The following PTPRC variants were observed in gnomAD, a reference collection of about 807,000 sequenced individuals.
PTPRC encodes protein tyrosine phosphatase receptor type C.
Under a neutral mutation model 155.9 loss-of-function variants are expected in PTPRC, and 44 were observed. The ratio of observed to expected loss-of-function variants is 0.28; its 90% confidence interval spans 0.22 to 0.36. The LOEUF is 0.36. Among genes scored for constraint, PTPRC ranks in the 10% least tolerant of loss-of-function variants. The pLI is 1.00. For missense variants in PTPRC, 1,401 were observed against 1,564.6 expected (o/e 0.90, Z 1.76); for synonymous variants, 525 against 533.1 (o/e 0.98, Z 0.21).
At chr1:198,687,606 G>T (rs774720390) in intron 2 of PTPRC, among the ~76,000 whole-genome samples, 37 of 151,954 alleles carry the variant, frequency 2.4e-4, no homozygotes, top group Non-Finnish European at 4.3e-4. Flanking sequence ...TAGATGACTG[G>T]GGGGGCGGGG....
intron 31 of PTPRC, among the ~76,000 whole-genome samples, chr1:198,753,824 G>A (rs919011096): frequency 9.2e-5 from 14 of 152,106 alleles, no homozygotes; most frequent in African/African-American, 3.4e-4. Context: ...TTTGTGAAAC[G>A]TGGTAGAGAG....
chr1:198,654,841 T>G (rs1246690504), intron 2 of PTPRC, among the ~76,000 whole-genome samples: 1 of 151,862 alleles, frequency 6.6e-6, no homozygotes, highest in Non-Finnish European at 1.5e-5. Flanking sequence ...TTTAAACACA[T>G]CAATTTTTCA....
chr1:198,713,902 CA>C (rs1653436139), intron 12 of PTPRC, among the ~76,000 whole-genome samples: 1 of 152,146 alleles, frequency 6.6e-6, no homozygotes, highest in Non-Finnish European at 1.5e-5. Flanking sequence ...TATTTTTCTT[CA>C]TTATGTTATT....
At chr1:198,754,516 T>G (rs1655537379) in intron 32 of PTPRC, 112 bp downstream of exon 32, 1 of 1,267,140 alleles carries the variant, frequency 7.9e-7, no homozygotes, top group African/African-American at 1.5e-5. Context: ...TTTTTTCCCC[T>G]TTCCTTTTCT....
intron 12 of PTPRC, among the ~76,000 whole-genome samples, chr1:198,714,740 C>T (rs1156539346): frequency 6.6e-6 from 1 of 152,130 alleles, no homozygotes; most frequent in Non-Finnish European, 1.5e-5. Context: ...ATTATAGTAT[C>T]GTTAAGGCAA....
intron 31 of PTPRC, among the ~76,000 whole-genome samples, chr1:198,753,837 A>G (rs1355950188): frequency 6.6e-6 from 1 of 152,070 alleles, no homozygotes; most frequent in African/African-American, 2.4e-5. Flanking sequence ...GTAGAGAGGC[A>G]GAAGAGTGAA....
At chr1:198,661,831 TTTTAGGACAAAATAGACTTC>T (rs2102256536) in intron 2 of PTPRC, among the ~76,000 whole-genome samples, 1 of 152,328 alleles carries the variant, frequency 6.6e-6, no homozygotes, top group African/African-American at 2.4e-5. Context: ...TACTATTATT[TTTTAGGACAAAATAGACTTC>T]TTTAAGTTTT....
chr1:198,708,399 T>C, intron 10 of PTPRC, 138 bp downstream of exon 10: 1 of 819,736 alleles, frequency 1.2e-6, no homozygotes, highest in Non-Finnish European at 1.8e-6. Context: ...TTTTCTTTCT[T>C]GTCTTTTTCT....
Position 198,639,296 on chromosome 1 carries a change from T to C in PTPRC, c.28T>C (p.Leu10=), listed in dbSNP as rs61757803. The C allele has an allele frequency of 6.2e-7, 1 of 1,613,354 alleles. No homozygotes were observed. The change falls in exon 2 of 33, where the codon TTG becomes CTG. Residue 10 remains leucine (L), a synonymous_variant. Transcript: ENST00000442510. ...GACCATGTATTTGTGGCTTAAACTC[T>C]TGGCATTTGGCTTTGCCTTTCTGGA... MTMYLWLKL[L]AFGFAFLDTE... is the part of the protein sequence containing the mutation.
chr1:198,686,265 C>T (rs1394588852), intron 2 of PTPRC, among the ~76,000 whole-genome samples: 1 of 151,940 alleles, frequency 6.6e-6, no homozygotes, highest in Non-Finnish European at 1.5e-5. Flanking sequence ...TGATTCACAA[C>T]AGGATTATAA....
intron 2 of PTPRC, chr1:198,680,002 A>G (rs987886055): frequency 3.0e-5 from 18 of 610,028 alleles, no homozygotes; most frequent in African/African-American, 1.9e-4. Context: ...CACTTCCTGC[A>G]GGCTCAAGGG....
intron 2 of PTPRC, among the ~76,000 whole-genome samples, chr1:198,651,260 A>T (rs1318952034): frequency 6.7e-6 from 1 of 150,370 alleles, no homozygotes; most frequent in Non-Finnish European, 1.5e-5. Flanking sequence ...ATTTTAAAAT[A>T]TTGTTTAAGA....
intron 2 of PTPRC, among the ~76,000 whole-genome samples, chr1:198,680,861 G>A (rs183704953): frequency 7.0e-4 from 106 of 152,256 alleles, no homozygotes; most frequent in African/African-American, 2.4e-3. Context: ...GCAGCATTAT[G>A]GAGTTAGGAG....
intron 2 of PTPRC, among the ~76,000 whole-genome samples, chr1:198,670,199 A>G (rs1664564735): frequency 6.6e-6 from 1 of 152,164 alleles, no homozygotes; most frequent in Non-Finnish European, 1.5e-5. Flanking sequence ...GTCCTTAAGT[A>G]CTGAATATAA....
intron 15 of PTPRC, among the ~76,000 whole-genome samples, chr1:198,724,547 T>C (rs1054655848): frequency 2.0e-5 from 3 of 152,180 alleles, no homozygotes; most frequent in Non-Finnish European, 4.4e-5. Flanking sequence ...AAAAAAAATT[T>C]TTATTCTGCT....
chr1:198,735,041 G>T (rs774100044), intron 22 of PTPRC, 86 bp from the exon 23 acceptor site: 51 of 1,217,490 alleles, frequency 4.2e-5, no homozygotes, highest in Non-Finnish European at 5.9e-5. Flanking sequence ...ATGAGTATAG[G>T]TTTTGTTTTC....
At chr1:198,703,418 G>A in intron 7 of PTPRC, 46 bp downstream of exon 7, 19 of 1,608,110 alleles carry the variant, frequency 1.2e-5, no homozygotes, top group Non-Finnish European at 1.6e-5. Context: ...CCATGTGCCT[G>A]GTGATGTGCT....
chr1:198,755,536 T>C (rs1488221445), intron 32 of PTPRC, among the ~76,000 whole-genome samples: 3 of 152,086 alleles, frequency 2.0e-5, no homozygotes, highest in Non-Finnish European at 4.4e-5. Context: ...ATTTAAACTT[T>C]AGGAATCAAG....
At chr1:198,754,031 T>C (rs906770452) in intron 31 of PTPRC, among the ~76,000 whole-genome samples, 10 of 152,036 alleles carry the variant, frequency 6.6e-5, no homozygotes, top group African/African-American at 2.4e-4. Context: ...AAAGAAAATA[T>C]ATTTGTAAAG....
Sources: gnomAD v4.1 joint callset for allele counts (sites outside exome capture counted in the v4.1 genomes callset) on GRCh38, gnomAD v4.1.1 for gene constraint, MANE v1.5 for transcripts, NCBI Gene and HGNC (gene_info 2026-07-23, HGNC 2026-07-21) for gene names.